Variants in CDC42BPA observed in about 807,000 individuals in gnomAD.
CDC42BPA encodes serine/threonine-protein kinase MRCK alpha.
Under a neutral mutation model 223.5 loss-of-function variants are expected in CDC42BPA, and 80 were observed. That is an observed-to-expected ratio of 0.36 (90% CI 0.30 to 0.43). The LOEUF (loss-of-function observed/expected upper bound fraction) is 0.43, where lower values mean the gene tolerates loss of function less well. Ranked by LOEUF, CDC42BPA falls within the 20% of genes least tolerant of loss-of-function variation. The probability of loss-of-function intolerance (pLI) is 1.00; values close to 1 mark genes in which losing one functional copy is unlikely to be tolerated. For missense variants in CDC42BPA, 1,743 were observed against 2,099.9 expected (o/e 0.83, Z 3.32); for synonymous variants, 694 against 718.6 (o/e 0.97, Z 0.55).
In CDC42BPA at chr1:227,005,054, T is replaced by C. The variant is rs199675358; in HGVS notation, c.4915A>G (p.Ile1639Val). 3.2e-5 allele frequency: 52 copies of C among 1,614,072 alleles called. 2 individuals are homozygous for C. Among genetic ancestry groups the C allele is most frequent in the East Asian group, 2.2e-5 (1 of 44,900 alleles). ...VFSGSVSIPS[I>V]TKSRPEPGRS... is the part of the protein sequence containing the mutation. ...CCTGGCTCAGGGCGGGATTTGGTGATAGATGGAATACTGACTGAGCCACTG... is the reference window on the plus strand; with the variant it reads ...CCTGGCTCAGGGCGGGATTTGGTGACAGATGGAATACTGACTGAGCCACTG... The change falls in exon 35 of 37, where the codon ATC becomes GTC. Residue 1639 changes from isoleucine to valine, a missense_variant. This residue lies in a region of CDC42BPA where 200 missense variants were observed against 192.8 expected (regional missense o/e 1.04). Transcript: ENST00000366766.
chr1:227,028,859 T>C lies in CDC42BPA; in HGVS notation c.4230A>G (p.Glu1410=), dbSNP rs1196283637. The stretch of plus-strand genomic sequence containing the variant: ...AATGGAGCATACTGTATGGATTTCC[T>C]TCTCCATTCAAGGGGTATCTTAGAA... The part of the protein sequence containing the change: ...SGFLRYPLNG[E]GNPYSMLHSN... Residue 1410 remains glutamate, a synonymous_variant, in exon 30 of 37, where the codon GAA becomes GAG. Coordinates refer to ENST00000366766, the MANE Select transcript of CDC42BPA (RefSeq NM_001394014.1). 1 of 1,613,780 alleles carries C rather than the reference T, an allele frequency of 6.2e-7. No individual in the cohort carries two copies. Among genetic ancestry groups the C allele is most frequent in the South Asian group, 1.1e-5 (1 of 91,008 alleles).
rs397983087 is a variant in CDC42BPA at position 227,294,859 on chromosome 1, CAAAAA to C, written c.178+22141_178+22145del. Among the ~76,000 whole-genome samples the C allele has an allele frequency of 5.6e-3, 72 of 12,794 alleles. No individual in the cohort carries two copies. The East Asian group carries it at 0.18, about 31-fold the overall frequency. The allele number at this position is 12,794 out of a possible 152,430, so 8.4% of individuals were successfully genotyped here. ...TGGGCGACAGAGCGAGACTCCGTCT[CAAAAA>C]AAAAAAAAAAAAAAAAAAAAAAGAG... On this transcript the variant is annotated intron_variant, in intron 1 of 36. Transcript: ENST00000366766.
At chr1:227,171,625 A>AG (rs1666118963) in intron 5 of CDC42BPA, among the ~76,000 whole-genome samples, 1 of 152,166 alleles carries the variant, frequency 6.6e-6, no homozygotes, top group African/African-American at 2.4e-5. Context: ...TCAAAAAAAA[A>AG]GCATTCTAAA....
intron 5 of CDC42BPA, among the ~76,000 whole-genome samples, chr1:227,184,266 G>C (rs1668402954): frequency 6.6e-6 from 1 of 151,964 alleles, no homozygotes; most frequent in Non-Finnish European, 1.5e-5. Flanking sequence ...CCAAGCCCTA[G>C]ATCCAGAAAA....
At chr1:227,153,978 A>G (rs986304616) in intron 6 of CDC42BPA, among the ~76,000 whole-genome samples, 6 of 151,928 alleles carry the variant, frequency 3.9e-5, no homozygotes, top group Non-Finnish European at 5.9e-5. Context: ...ATTATACTCC[A>G]GTCTGAGATA....
intron 17 of CDC42BPA, among the ~76,000 whole-genome samples, chr1:227,074,857 T>C (rs190928349): frequency 6.6e-6 from 1 of 152,250 alleles, no homozygotes; most frequent in Admixed American, 6.5e-5. Flanking sequence ...TTTTCTGAAA[T>C]GATCAATAAA....
intron 2 of CDC42BPA, among the ~76,000 whole-genome samples, chr1:227,220,639 T>A (rs1675738361): frequency 6.6e-6 from 1 of 151,598 alleles, no homozygotes. Context: ...AACAGACCTT[T>A]TACATTCCCT....
chr1:227,133,967 AT>A (rs1368802646), intron 10 of CDC42BPA, among the ~76,000 whole-genome samples: 2 of 131,932 alleles, frequency 1.5e-5, no homozygotes, highest in African/African-American at 6.3e-5. Flanking sequence ...CAATAAAAAA[AT>A]AAATGAATAA....
intron 1 of CDC42BPA, among the ~76,000 whole-genome samples, chr1:227,314,019 A>G (rs1693967796): frequency 6.6e-6 from 1 of 152,114 alleles, no homozygotes; most frequent in African/African-American, 2.4e-5. Context: ...TACATTTATT[A>G]AGTAAATTGG....
At chr1:227,000,089 A>G (rs1662477808) in intron 35 of CDC42BPA, among the ~76,000 whole-genome samples, 1 of 111,636 alleles carries the variant, frequency 9.0e-6, no homozygotes, top group South Asian at 4.0e-4. Flanking sequence ...CCCAGAACTT[A>G]AAGTATAATA....
chr1:227,043,292 A>C (rs889429428), intron 23 of CDC42BPA, among the ~76,000 whole-genome samples: 1 of 151,972 alleles, frequency 6.6e-6, no homozygotes, highest in Non-Finnish European at 1.5e-5. Context: ...ATGCGCCTAT[A>C]GTCCCAGCTA....
At chr1:227,165,165 T>C (rs1386020894) in intron 5 of CDC42BPA, among the ~76,000 whole-genome samples, 1 of 152,154 alleles carries the variant, frequency 6.6e-6, no homozygotes, top group Non-Finnish European at 1.5e-5. Flanking sequence ...GGAGTAAACA[T>C]GTTTATCTCT....
At chr1:227,294,830 A>G (rs1690353057) in intron 1 of CDC42BPA, among the ~76,000 whole-genome samples, 1 of 118,314 alleles carries the variant, frequency 8.5e-6, no homozygotes, top group Admixed American at 1.1e-4. Flanking sequence ...ACTGCACTCC[A>G]GCCTGGGCGA....
intron 2 of CDC42BPA, among the ~76,000 whole-genome samples, chr1:227,232,779 G>A (rs116045808): frequency 0.054 from 8,192 of 152,266 alleles, 244 homozygotes; most frequent in Non-Finnish European, 0.072. Flanking sequence ...TGGAAGCTTC[G>A]TCTCAGAGGG....
In CDC42BPA at chr1:227,241,050, T is replaced by C. The variant is rs971704257; in HGVS notation, c.270+13014A>G. Among the ~76,000 whole-genome samples, 11 of 151,992 alleles carry C rather than the reference T, an allele frequency of 7.2e-5. No individual in the cohort carries two copies. In the East Asian group the frequency reaches 9.6e-4, roughly 13 times the overall value. On this transcript the variant is annotated intron_variant, in intron 2 of 36. Coordinates refer to ENST00000366766, the MANE Select transcript of CDC42BPA (RefSeq NM_001394014.1). ...AATTTCTAAAGACTGAGCAAAAAAT[T>C]TGAACATATACCTCACAAAGGAAGA...
At chr1:227,129,717 A>ATATATATATATATATATATATATATATAT (rs1656668947) in intron 10 of CDC42BPA, among the ~76,000 whole-genome samples, 4 of 146,580 alleles carry the variant, frequency 2.7e-5, no homozygotes, top group African/African-American at 1.0e-4. Context: ...ATATATATAC[A>ATATATATATATATATATATATATATATAT]AAAGAATCCA....
intron 1 of CDC42BPA, among the ~76,000 whole-genome samples, chr1:227,270,347 A>C (rs1342569895): frequency 6.6e-6 from 1 of 152,198 alleles, no homozygotes; most frequent in Non-Finnish European, 1.5e-5. Flanking sequence ...GTGCAAAAGA[A>C]TGGAAATAAG....
intron 5 of CDC42BPA, among the ~76,000 whole-genome samples, chr1:227,179,659 A>AAAAAAAAAAAAAG (rs1216438998): frequency 6.8e-6 from 1 of 146,890 alleles, no homozygotes; most frequent in African/African-American, 2.6e-5. Context: ...AAAAAAAAAA[A>AAAAAAAAAAAAAG]AGCTATTTTA....
intron 7 of CDC42BPA, 70 bp downstream of exon 7, chr1:227,147,289 C>T: frequency 9.2e-7 from 1 of 1,086,352 alleles, no homozygotes; most frequent in Non-Finnish European, 1.3e-6. Context: ...AAAATATTTT[C>T]TCTTTAAAAA....
Sources: gnomAD v4.1 joint callset for allele counts (sites outside exome capture counted in the v4.1 genomes callset) on GRCh38, gnomAD v4.1.1 for gene constraint, gnomAD v4.1.1 regional missense constraint, MANE v1.5 for transcripts, NCBI Gene and HGNC (gene_info 2026-07-23, HGNC 2026-07-21) for gene names.